The following FAT3 variants were observed in gnomAD, a reference collection of about 807,000 sequenced individuals.
FAT3 encodes protocadherin Fat 3.
In FAT3, 95 loss-of-function variants were observed where a neutral mutation model predicts 310.2. The ratio of observed to expected loss-of-function variants is 0.31; its 90% CI spans 0.26 to 0.36. The LOEUF is 0.36. Ranked by LOEUF, FAT3 falls within the 10% of genes least tolerant of loss-of-function variation. The probability of loss-of-function intolerance (pLI) is 1.00; values close to 1 mark genes in which losing one functional copy is unlikely to be tolerated. For synonymous variants in FAT3, 2,314 were observed against 2,192.9 expected (o/e 1.06, Z -1.54); for missense variants, 5,408 against 5,715.6 (o/e 0.95, Z 1.74).
chr11:92,866,526 CA>C (rs1173003455), intron 21 of FAT3, among the ~76,000 whole-genome samples: 2 of 152,126 alleles, frequency 1.3e-5, no homozygotes, highest in Non-Finnish European at 2.9e-5. Flanking sequence ...TTACTAATCA[CA>C]AGATTTGTGA....
At chr11:92,467,248 T>C (rs182876762) in intron 2 of FAT3, among the ~76,000 whole-genome samples, 5,929 of 152,252 alleles carry the variant, frequency 0.039, 366 homozygotes, top group African/African-American at 0.12. Context: ...ACCTGTTGTT[T>C]CCTGACTTTT....
chr11:92,352,720 T>G lies in FAT3; in HGVS notation c.608T>G (p.Leu203Arg). The change falls in exon 2 of 28, where the codon CTC becomes CGC. Residue 203 changes from leucine (L) to arginine (R), a missense_variant. Around this residue, in one of 5 missense-constraint regions of FAT3, gnomAD observed 4,588 missense variants for 4,809.8 expected, o/e 0.95. Coordinates refer to ENST00000525166, the MANE Select transcript of FAT3 (RefSeq NM_001367949.2). ...FYYYFKNKVDLFSVHPTSGVI... is the reference protein window; with the variant it reads ...FYYYFKNKVDRFSVHPTSGVI... ...TACTACTTTAAAAATAAAGTTGATCTCTTTTCAGTTCACCCCACGAGTGGT... is the reference window on the plus strand; with the variant it reads ...TACTACTTTAAAAATAAAGTTGATCGCTTTTCAGTTCACCCCACGAGTGGT... The G allele has an allele frequency of 1.2e-6, 2 of 1,613,866 alleles. No homozygotes were observed. Among genetic ancestry groups the G allele is most frequent in the Non-Finnish European group, 1.7e-6 (2 of 1,179,888 alleles).
chr11:92,800,390 G>A lies in FAT3; in HGVS notation c.7377G>A (p.Gln2459=). The A allele has an allele frequency of 6.2e-7, 1 of 1,614,004 alleles. No individual in the cohort carries two copies. ...TCACATTGTCCAACCATCGGAAGCAGCGGATGGAGCCTCTGTACAGTCTCA... is the reference window on the plus strand; with the variant it reads ...TCACATTGTCCAACCATCGGAAGCAACGGATGGAGCCTCTGTACAGTCTCA... The part of the protein sequence containing the change: ...GVITLSNHRK[Q]RMEPLYSLNV... The change falls in exon 10 of 28, where the codon CAG becomes CAA. Residue 2459 remains glutamine, a synonymous_variant. Transcript: ENST00000525166.
chr11:92,492,375 C>A (rs1276948217), intron 2 of FAT3, among the ~76,000 whole-genome samples: 1 of 151,904 alleles, frequency 6.6e-6, no homozygotes, highest in Non-Finnish European at 1.5e-5. Context: ...TGACTACTGG[C>A]AAATGCTTTA....
At chr11:92,796,007 A>G (rs888360416) in intron 9 of FAT3, among the ~76,000 whole-genome samples, 3 of 151,920 alleles carry the variant, frequency 2.0e-5, no homozygotes, top group Non-Finnish European at 4.4e-5. Flanking sequence ...CCGGGTGTGG[A>G]GTGAGGGAGG....
intron 20 of FAT3, among the ~76,000 whole-genome samples, 155 bp from the exon 21 acceptor site, chr11:92,859,010 T>A (rs1949053249): frequency 6.6e-6 from 1 of 152,142 alleles, no homozygotes; most frequent in Non-Finnish European, 1.5e-5. Context: ...GGAAAACTGG[T>A]TTTTAATCAA....
Position 92,797,970 on chromosome 11 carries a change from G to T in FAT3, c.4957G>T (p.Ala1653Ser). The T allele has an allele frequency of 6.2e-7, 1 of 1,613,884 alleles. No individual in the cohort carries two copies. The highest frequency in any genetic ancestry group is 8.5e-7 in the Non-Finnish European group (1 of 1,179,844). Residue 1653 changes from alanine (A) to serine (S), a missense_variant, in exon 10 of 28, where the codon GCT becomes TCT. Around this residue, in one of 5 missense-constraint regions of FAT3, gnomAD observed 4,588 missense variants for 4,809.8 expected, o/e 0.95. Transcript: ENST00000525166. ...AGATCAGGGATCCCCGCCAATGTCT[G>T]CTACTGCAATTGTGCGCATTTCCGT... ...VTDQGSPPMS[A>S]TAIVRISVTM...
intron 4 of FAT3, among the ~76,000 whole-genome samples, chr11:92,712,921 G>A (rs1944567604): frequency 1.3e-5 from 2 of 152,202 alleles, no homozygotes; most frequent in African/African-American, 4.8e-5. Context: ...TGAGGCTGAA[G>A]TTGCTTAATA....
At chr11:92,332,877 C>T (rs373633475) in intron 1 of FAT3, among the ~76,000 whole-genome samples, 44 of 152,176 alleles carry the variant, frequency 2.9e-4, no homozygotes, top group African/African-American at 1.0e-3. Context: ...CCTTTGTTTC[C>T]TTGCTTTATA....
chr11:92,418,583 G>A (rs186132628), intron 2 of FAT3, among the ~76,000 whole-genome samples: 6 of 152,022 alleles, frequency 3.9e-5, no homozygotes, highest in African/African-American at 1.4e-4. Flanking sequence ...CCTTTGGTAA[G>A]GATGCTACTT....
intron 1 of FAT3, among the ~76,000 whole-genome samples, chr11:92,300,841 C>T (rs866240383): frequency 6.6e-5 from 10 of 152,062 alleles, no homozygotes; most frequent in South Asian, 2.1e-4. Context: ...CTGGTATTTC[C>T]GGTCTAACAC....
intron 2 of FAT3, among the ~76,000 whole-genome samples, chr11:92,374,030 G>GGAGAGAGAGAGA (rs58680206): frequency 0.017 from 2,442 of 142,174 alleles, 82 homozygotes; most frequent in African/African-American, 0.06. Context: ...ACAGAGAGAG[G>GGAGAGAGAGAGA]GAGAGAGAGA....
At chr11:92,484,498 A>T (rs1166357499) in intron 2 of FAT3, among the ~76,000 whole-genome samples, 1 of 152,208 alleles carries the variant, frequency 6.6e-6, no homozygotes, top group African/African-American at 2.4e-5. Flanking sequence ...CGTTCTGGGA[A>T]AGGGCGATGA....
At chr11:92,772,775 A>G (rs1946491760) in intron 6 of FAT3, among the ~76,000 whole-genome samples, 1 of 152,144 alleles carries the variant, frequency 6.6e-6, no homozygotes, top group African/African-American at 2.4e-5. Context: ...TGAAATATAT[A>G]TATGACCAGG....
intron 2 of FAT3, among the ~76,000 whole-genome samples, chr11:92,367,828 CTAG>C (rs1178639077): frequency 6.5e-4 from 99 of 152,290 alleles, no homozygotes; most frequent in African/African-American, 2.3e-3. Flanking sequence ...TGAAGGATAA[CTAG>C]AGCACTGAGG....
intron 2 of FAT3, among the ~76,000 whole-genome samples, chr11:92,424,203 G>T (rs1456988527): frequency 6.6e-6 from 1 of 151,986 alleles, no homozygotes; most frequent in African/African-American, 2.4e-5. Context: ...GTTAAATATT[G>T]CTGTTGTGAC....
chr11:92,442,107 A>ATTTTTTTTTTT lies in FAT3; in HGVS notation c.3293-82526_3293-82525insTTTTTTTTTTT, dbSNP rs1565320189. Among the ~76,000 whole-genome samples the ATTTTTTTTTTT allele has an allele frequency of 2.2e-4, 11 of 49,860 alleles. 1 individual carries two copies. Among genetic ancestry groups the ATTTTTTTTTTT allele is most frequent in the African/African-American group, 1.3e-3 (9 of 6,826 alleles). 32.7% of individuals were successfully genotyped at this position (49,860 alleles called of 152,430 possible). ...TATATATATATATATATATATATAT[A>ATTTTTTTTTTT]TATATTTTTTTTTTTTTTTTTTTTG... is the stretch of plus-strand genomic sequence containing the variant. On this transcript the variant is annotated intron_variant, in intron 2 of 27. Coordinates refer to ENST00000525166, the MANE Select transcript of FAT3 (RefSeq NM_001367949.2).
At position 92,402,610 on chromosome 11, in the gene FAT3, G is replaced by A. The variant is rs530129037; in HGVS notation, c.3292+47206G>A. Among the ~76,000 whole-genome samples, 29 of 151,840 alleles carry A rather than the reference G, an allele frequency of 1.9e-4. No homozygotes were observed. In the South Asian group the frequency reaches 5.6e-3, roughly 29 times the overall value. ...TAGCTGGACATGATGATGCGTGCCT[G>A]TAGTCCCAGCTACTTGAGAGGCTGA... On this transcript the variant is annotated intron_variant, in intron 2 of 27. Transcript: ENST00000525166.
At chr11:92,259,347 G>T (rs2134300695) in intron 1 of FAT3, among the ~76,000 whole-genome samples, 1 of 152,154 alleles carries the variant, frequency 6.6e-6, no homozygotes, top group Non-Finnish European at 1.5e-5. Flanking sequence ...AAGAATGACT[G>T]AAGGGTATGT....
Sources: gnomAD v4.1 joint callset for allele counts (sites outside exome capture counted in the v4.1 genomes callset) on GRCh38, gnomAD v4.1.1 for gene constraint, gnomAD v4.1.1 regional missense constraint, MANE v1.5 for transcripts, NCBI Gene and HGNC (gene_info 2026-07-23, HGNC 2026-07-21) for gene names.